DHRSX: variants seen among roughly 807,000 people sequenced by gnomAD.
DHRSX encodes polyprenol dehydrogenase.
In DHRSX, 31 loss-of-function variants were observed where a neutral mutation model predicts 34.0. The observed-to-expected ratio is 0.91, with a 90% confidence interval of 0.69 to 1.23. The LOEUF (loss-of-function observed/expected upper bound fraction) is 1.23, where lower values mean the gene tolerates loss of function less well. DHRSX is among the 50% of genes most tolerant of loss of function. The probability of loss-of-function intolerance (pLI) is 0.00; values close to 1 mark genes in which losing one functional copy is unlikely to be tolerated. For synonymous variants in DHRSX, 201 were observed against 183.8 expected (o/e 1.09, Z -0.76); for missense variants, 414 against 428.1 (o/e 0.97, Z 0.29).
At chrX:2,437,190 G>T (rs2044002474) in intron 1 of DHRSX, among the ~76,000 whole-genome samples, 1 of 152,048 alleles carries the variant, frequency 6.6e-6, no homozygotes, top group Non-Finnish European at 1.5e-5. Flanking sequence ...TAGTAGAGAT[G>T]GAGTTTCACC....
intron 3 of DHRSX, among the ~76,000 whole-genome samples, chrX:2,319,808 G>A (rs1240378666): frequency 2.0e-5 from 3 of 151,892 alleles, no homozygotes; most frequent in South Asian, 2.1e-4. Flanking sequence ...CCTAACCCCC[G>A]TGTTGTTCAA....
At chrX:2,285,103 AC>A (rs1322896263) in intron 4 of DHRSX, among the ~76,000 whole-genome samples, 2 of 152,124 alleles carry the variant, frequency 1.3e-5, no homozygotes, top group Non-Finnish European at 2.9e-5. Flanking sequence ...TTTGTGAAAG[AC>A]AATTTTCTGA....
chrX:2,306,226 C>G, intron 3 of DHRSX, among the ~76,000 whole-genome samples: 1 of 150,434 alleles, frequency 6.6e-6, no homozygotes, highest in East Asian at 1.9e-4. Flanking sequence ...TTTTTTTTTG[C>G]ATCCATTCAG....
intron 3 of DHRSX, among the ~76,000 whole-genome samples, chrX:2,357,395 A>G (rs1457153891): frequency 5.9e-5 from 9 of 152,266 alleles, no homozygotes; most frequent in South Asian, 2.1e-4. Context: ...ATCTGCCATT[A>G]TAAGATGTAT....
intron 1 of DHRSX, among the ~76,000 whole-genome samples, chrX:2,496,082 G>C (rs1308639094): frequency 6.6e-6 from 1 of 152,218 alleles, no homozygotes; most frequent in African/African-American, 2.4e-5. Flanking sequence ...CCAAGTTTCT[G>C]TTCGACAGGA....
At chrX:2,304,228 G>A (rs1398830680) in intron 3 of DHRSX, among the ~76,000 whole-genome samples, 1 of 135,826 alleles carries the variant, frequency 7.4e-6, no homozygotes, top group African/African-American at 2.8e-5. Flanking sequence ...TGGATGGATG[G>A]ATGGATGGAT....
At chrX:2,293,787 T>A (rs773012571) in intron 3 of DHRSX, among the ~76,000 whole-genome samples, 1 of 152,182 alleles carries the variant, frequency 6.6e-6, no homozygotes, top group South Asian at 2.1e-4. Flanking sequence ...GAAGGCCACA[T>A]AGCTTTCAGA....
At chrX:2,329,089 G>A (rs2042425687) in intron 3 of DHRSX, among the ~76,000 whole-genome samples, 1 of 152,126 alleles carries the variant, frequency 6.6e-6, no homozygotes, top group African/African-American at 2.4e-5. Context: ...AAAGAGTATT[G>A]CATTCTTTCA....
At chrX:2,487,549 A>G (rs1327510473) in intron 1 of DHRSX, 1 of 152,238 alleles carries the variant, frequency 6.6e-6, no homozygotes, top group East Asian at 1.9e-4. Flanking sequence ...TATTTTTAGT[A>G]GACACGAGGT....
intron 1 of DHRSX, among the ~76,000 whole-genome samples, chrX:2,464,729 C>G (rs2044463759): frequency 6.6e-6 from 1 of 150,924 alleles, no homozygotes; most frequent in Non-Finnish European, 1.5e-5. Context: ...AGGCATGTGG[C>G]CAAGGGACCG....
chrX:2,485,147 G>C (rs749582195), intron 1 of DHRSX, among the ~76,000 whole-genome samples: 2 of 152,128 alleles, frequency 1.3e-5, no homozygotes, highest in Non-Finnish European at 2.9e-5. Context: ...ACCACTGTGC[G>C]GAAGGAGTGC....
At chrX:2,235,080 G>T (rs2015981593) in intron 6 of DHRSX, among the ~76,000 whole-genome samples, 1 of 152,180 alleles carries the variant, frequency 6.6e-6, no homozygotes. Flanking sequence ...GTGTTGCTAG[G>T]AGCTAGGAAC....
chrX:2,324,769 CTTTTTTTTTTT>C (rs570670358), intron 3 of DHRSX, among the ~76,000 whole-genome samples: 1 of 131,030 alleles, frequency 7.6e-6, no homozygotes, highest in Non-Finnish European at 1.6e-5. Flanking sequence ...TTTTTCTTTT[CTTTTTTTTTTT>C]TTTTTTGAGA....
chrX:2,408,282 G>A (rs1184675337), intron 3 of DHRSX, among the ~76,000 whole-genome samples: 1 of 151,858 alleles, frequency 6.6e-6, no homozygotes. Flanking sequence ...CACCATGTTG[G>A]CCAGGCTGGT....
In DHRSX at chrX:2,302,612, A is replaced by AAAATAAATAAAT. The variant is rs746166098; in HGVS notation, c.287-11021_287-11010dup. On this transcript the variant is annotated intron_variant, in intron 3 of 6. Coordinates refer to ENST00000334651, the MANE Select transcript of DHRSX (RefSeq NM_145177.3). Reference sequence around the variant, plus strand: ...GGGTGACAGAGCCAGACTGTCTCAAAAAATAAATAAATAAATAAATAAAGT... The same window carrying AAAATAAATAAAT: ...GGGTGACAGAGCCAGACTGTCTCAAAAAATAAATAAATAAATAAATAAATAAATAAATAAAGT... Among the ~76,000 whole-genome samples, 1,075 of 149,960 alleles carry AAAATAAATAAAT rather than the reference A, an allele frequency of 7.2e-3. 9 individuals are homozygous for AAAATAAATAAAT. The highest frequency in any genetic ancestry group is 0.017 in the African/African-American group (710 of 40,890).
chrX:2,357,790 G>A (rs959618462), intron 3 of DHRSX, among the ~76,000 whole-genome samples: 3 of 151,676 alleles, frequency 2.0e-5, no homozygotes, highest in Non-Finnish European at 4.4e-5. Context: ...AAGATTTCCA[G>A]GCAAATCACT....
At chrX:2,333,313 G>A (rs1242215490) in intron 3 of DHRSX, among the ~76,000 whole-genome samples, 1 of 152,142 alleles carries the variant, frequency 6.6e-6, no homozygotes, top group African/African-American at 2.4e-5. Flanking sequence ...AAACTTGTAT[G>A]TTAGATTCGG....
At chrX:2,271,652 A>G (rs73628270) in intron 4 of DHRSX, among the ~76,000 whole-genome samples, 4,028 of 152,278 alleles carry the variant, frequency 0.026, 183 homozygotes, top group African/African-American at 0.092. Context: ...GTCACAAGAC[A>G]CATGTGTATT....
chrX:2,473,541 C>G (rs1242533344), intron 1 of DHRSX, among the ~76,000 whole-genome samples: 1 of 150,250 alleles, frequency 6.7e-6, no homozygotes, highest in South Asian at 2.1e-4. Flanking sequence ...GAGAATTGCT[C>G]GAACCTGGGA....
Sources: gnomAD v4.1 joint callset for allele counts (sites outside exome capture counted in the v4.1 genomes callset) on GRCh38, gnomAD v4.1.1 for gene constraint, MANE v1.5 for transcripts, NCBI Gene and HGNC (gene_info 2026-07-23, HGNC 2026-07-21) for gene names.